GRIP1: variants seen among roughly 807,000 people sequenced by gnomAD.
The protein encoded by GRIP1 is glutamate receptor interacting protein 1, also known as glutamate receptor-interacting protein 1.
GRIP1 carries 45 observed loss-of-function variants against 129.9 expected under a neutral mutation model. That is an observed-to-expected ratio of 0.35 (90% CI 0.27 to 0.44). The LOEUF (loss-of-function observed/expected upper bound fraction) is 0.44. Ranked by LOEUF, GRIP1 falls within the 20% of genes least tolerant of loss-of-function variation. The pLI, the probability that GRIP1 is intolerant of heterozygous loss-of-function variation, is 1.00. For missense variants in GRIP1, 1,196 were observed against 1,396.8 expected (o/e 0.86, Z 2.29); for synonymous variants, 530 against 520.8 (o/e 1.02, Z -0.24).
At chr12:66,913,274 T>C (rs991955187) in intron 1 of GRIP1, among the ~76,000 whole-genome samples, 1 of 152,242 alleles carries the variant, frequency 6.6e-6, no homozygotes, top group African/African-American at 2.4e-5. Flanking sequence ...AGGCACAGCA[T>C]GTGCAGTAAA....
chr12:66,804,077 A>G (rs183708196), exon 1 of GRIP1: 13 of 455,790 alleles, frequency 2.9e-5, no homozygotes, highest in African/African-American at 2.2e-4. Flanking sequence ...GAAGCGTAAT[A>G]ATAGACATCC....
chr12:66,969,078 A>G (rs556330701), intron 1 of GRIP1, among the ~76,000 whole-genome samples: 1 of 152,194 alleles, frequency 6.6e-6, no homozygotes, highest in South Asian at 2.1e-4. Context: ...TGAGAAGTCC[A>G]CTGTAATTCT....
intron 2 of GRIP1, among the ~76,000 whole-genome samples, chr12:66,552,563 G>A (rs1183429888): frequency 6.6e-6 from 1 of 152,044 alleles, no homozygotes; most frequent in African/African-American, 2.4e-5. Context: ...TCTATTTTAC[G>A]TACATGAAAT....
chr12:66,882,462 C>T (rs891509591), intron 1 of GRIP1, among the ~76,000 whole-genome samples: 7 of 152,086 alleles, frequency 4.6e-5, no homozygotes, highest in African/African-American at 1.4e-4. Context: ...CGAGCTGAAC[C>T]GAAGCCAATT....
chr12:66,568,634 A>G (rs942539053), intron 2 of GRIP1: 2 of 194,568 alleles, frequency 1.0e-5, no homozygotes, highest in South Asian at 1.2e-4. Flanking sequence ...AGAAGAATCT[A>G]TTAAGTGCTT....
chr12:66,696,804 C>CAAAAAAAAAAAAA (rs35445606), intron 1 of GRIP1, among the ~76,000 whole-genome samples: 1 of 103,714 alleles, frequency 9.6e-6, no homozygotes, highest in African/African-American at 4.0e-5. Flanking sequence ...GACTCTGTCT[C>CAAAAAAAAAAAAA]AAAAAAAAAA....
At chr12:66,947,987 G>A (rs1024851680) in intron 1 of GRIP1, among the ~76,000 whole-genome samples, 1 of 152,156 alleles carries the variant, frequency 6.6e-6, no homozygotes, top group Non-Finnish European at 1.5e-5. Context: ...TGAGGATGCA[G>A]GACCTCGCTG....
At chr12:67,030,930 G>A (rs12307060) in intron 1 of GRIP1, among the ~76,000 whole-genome samples, 11,307 of 151,992 alleles carry the variant, frequency 0.074, 1,129 homozygotes, top group African/African-American at 0.22. Context: ...GCAACTGCTC[G>A]GTTAGCTGTT....
rs555520111 is a variant in GRIP1, at chr12:66,463,079, T to C, written c.887A>G (p.His296Arg). The change falls in exon 9 of 25, where the codon CAT (histidine) becomes CGT (arginine). Residue 296 changes from histidine (H) to arginine (R), a missense_variant. By Grantham distance (29) the His-to-Arg change is conservative. Around this residue, in one of 5 missense-constraint regions of GRIP1, gnomAD observed 508 missense variants for 587.0 expected, o/e 0.87. Coordinates refer to ENST00000359742, the MANE Select transcript of GRIP1 (RefSeq NM_001366722.1). The part of the protein sequence containing the change: ...ASIADRCGAL[H>R]VGDHILSIDG... ...GATGGAGAGGATGTGATCTCCCACA[T>C]GCAATGCGCCACATCTACGGAAAGG... is the stretch of plus-strand genomic sequence containing the variant. 1.2e-6 allele frequency: 2 copies of C among 1,613,872 alleles called. No individual in the cohort carries two copies. Among genetic ancestry groups the C allele is most frequent in the African/African-American group, 1.3e-5 (1 of 75,024 alleles).
intron 1 of GRIP1, among the ~76,000 whole-genome samples, chr12:66,740,864 C>A (rs2036767264): frequency 6.6e-6 from 1 of 152,024 alleles, no homozygotes; most frequent in African/African-American, 2.4e-5. Flanking sequence ...CAGGAGCCAA[C>A]CAAAGTCCTC....
chr12:66,484,714 G>C (rs2059905395), intron 7 of GRIP1, among the ~76,000 whole-genome samples: 1 of 151,970 alleles, frequency 6.6e-6, no homozygotes, highest in Non-Finnish European at 1.5e-5. Flanking sequence ...TTGCTTAGTG[G>C]GTATAAAACA....
intron 1 of GRIP1, among the ~76,000 whole-genome samples, chr12:66,800,290 C>T (rs2038820708): frequency 6.6e-6 from 1 of 152,148 alleles, no homozygotes; most frequent in South Asian, 2.1e-4. Context: ...GACAGCTTTT[C>T]TTCAATCTAG....
rs559564045 is a variant in GRIP1, at chr12:66,457,426, C to T, written c.1043-1084G>A. The stretch of plus-strand genomic sequence containing the variant: ...GGCACTACAGGCCCACGCCACCACA[C>T]CCAGCTAATTTTTTATTATTTTATT... On this transcript the variant is annotated intron_variant, in intron 9 of 24. Coordinates refer to ENST00000359742, the MANE Select transcript of GRIP1 (RefSeq NM_001366722.1). 6.6e-5 allele frequency among the ~76,000 whole-genome samples: 10 copies of T among 152,268 alleles called. No individual in the cohort carries two copies. In the East Asian group the frequency reaches 1.9e-3, roughly 29 times the overall value.
At chr12:66,930,109 T>C (rs73333030) in intron 1 of GRIP1, among the ~76,000 whole-genome samples, 3,803 of 151,792 alleles carry the variant, frequency 0.025, 172 homozygotes, top group African/African-American at 0.088. Context: ...TATACTCTTT[T>C]TTTTTTATTA....
intron 2 of GRIP1, among the ~76,000 whole-genome samples, chr12:66,572,797 C>T (rs1337388463): frequency 6.6e-6 from 1 of 152,150 alleles, no homozygotes; most frequent in Non-Finnish European, 1.5e-5. Context: ...CAGATAGCTT[C>T]CATGGATAAT....
chr12:66,546,140 A>G (rs1320538903), intron 2 of GRIP1, among the ~76,000 whole-genome samples: 1 of 146,678 alleles, frequency 6.8e-6, no homozygotes, highest in East Asian at 1.9e-4. Context: ...AAAAAGAAGA[A>G]AGTGGGAGTA....
chr12:66,876,247 A>G (rs1287749326), intron 1 of GRIP1, among the ~76,000 whole-genome samples: 1 of 152,072 alleles, frequency 6.6e-6, no homozygotes, highest in African/African-American at 2.4e-5. Flanking sequence ...TATCTCCAGT[A>G]TAATTCTTTA....
At chr12:66,947,119 C>G (rs577329001) in intron 1 of GRIP1, among the ~76,000 whole-genome samples, 1 of 152,128 alleles carries the variant, frequency 6.6e-6, no homozygotes, top group African/African-American at 2.4e-5. Context: ...GGAAGCTTAT[C>G]TCCGCACTTT....
intron 7 of GRIP1, among the ~76,000 whole-genome samples, chr12:66,489,286 T>C (rs914217278): frequency 1.3e-5 from 2 of 152,176 alleles, no homozygotes; most frequent in African/African-American, 4.8e-5. Flanking sequence ...CATGATCAAG[T>C]TGGCTTCATC....
Sources: gnomAD v4.1 joint callset for allele counts (sites outside exome capture counted in the v4.1 genomes callset) on GRCh38, gnomAD v4.1.1 for gene constraint, gnomAD v4.1.1 regional missense constraint, MANE v1.5 for transcripts, NCBI Gene and HGNC (gene_info 2026-07-23, HGNC 2026-07-21) for gene names.